The following DNAI2 variants were observed in gnomAD, a reference collection of about 807,000 sequenced individuals.
DNAI2 encodes the protein dynein axonemal intermediate chain 2, also known as dynein, axonemal, intermediate polypeptide 2.
Under a neutral mutation model 74.7 loss-of-function variants are expected in DNAI2, and 63 were observed. That is an observed-to-expected ratio of 0.84 (90% CI 0.69 to 1.04). The LOEUF (loss-of-function observed/expected upper bound fraction) is 1.04, where lower values mean the gene tolerates loss of function less well. DNAI2 is among the 50% of genes least tolerant of loss of function. The pLI, the probability that DNAI2 is intolerant of heterozygous loss-of-function variation, is 0.00. For missense variants in DNAI2, 688 were observed against 803.2 expected (o/e 0.86, Z 1.73); for synonymous variants, 289 against 314.9 (o/e 0.92, Z 0.87).
At chr17:74,286,308 A>ATAATAATAC (rs2051731371) in intron 3 of DNAI2, among the ~76,000 whole-genome samples, 1 of 104,306 alleles carries the variant, frequency 9.6e-6, no homozygotes, top group African/African-American at 4.9e-5. Flanking sequence ...AATAATAATA[A>ATAATAATAC]TAATAATAAT....
rs540447499 is a variant in DNAI2 at position 74,287,016 on chromosome 17, A to G, written c.385A>G (p.Ile129Val). The change falls in exon 4 of 14, where the codon ATC becomes GTC. Residue 129 changes from isoleucine to valine, a missense_variant. Coordinates refer to ENST00000311014, the MANE Select transcript of DNAI2 (RefSeq NM_023036.6). ...HCIKQNNAID[I>V]YEEYFNDEEA... ...CATCAAGCAGAACAATGCCATTGACATCTATGAAGAGTATTTCAATGACGA... is the reference window on the plus strand; with the variant it reads ...CATCAAGCAGAACAATGCCATTGACGTCTATGAAGAGTATTTCAATGACGA... 16 of 1,613,924 alleles carry G rather than the reference A, an allele frequency of 9.9e-6. No homozygotes were observed. Among genetic ancestry groups the G allele is most frequent in the African/African-American group, 5.3e-5 (4 of 75,036 alleles).
At chr17:74,303,212 C>G (rs2052967416) in intron 8 of DNAI2, among the ~76,000 whole-genome samples, 1 of 152,050 alleles carries the variant, frequency 6.6e-6, no homozygotes, top group African/African-American at 2.4e-5. Context: ...GTCCTAGTAC[C>G]TGGTAAAGCT....
intron 10 of DNAI2, chr17:74,309,739 G>A: frequency 1.6e-6 from 1 of 633,368 alleles, no homozygotes; most frequent in Non-Finnish European, 2.8e-6. Context: ...GGTGGCCAGA[G>A]CTGAGCCCCA....
At chr17:74,285,001 A>T in intron 2 of DNAI2, 39 bp from the exon 3 acceptor site, 2 of 1,613,632 alleles carry the variant, frequency 1.2e-6, no homozygotes, top group South Asian at 1.1e-5. Context: ...TTGGGAGTAT[A>T]CCAGGGTGAC....
intron 9 of DNAI2, among the ~76,000 whole-genome samples, chr17:74,308,187 T>A (rs117302064): frequency 2.0e-5 from 3 of 152,182 alleles, no homozygotes; most frequent in Non-Finnish European, 4.4e-5. Flanking sequence ...AAGTGTAGTC[T>A]GCCTTGCTCA....
intron 6 of DNAI2, among the ~76,000 whole-genome samples, chr17:74,291,722 A>G (rs2052112558): frequency 6.6e-6 from 1 of 152,234 alleles, no homozygotes; most frequent in Non-Finnish European, 1.5e-5. Context: ...AGGGGCCGCC[A>G]TAAAGGGATG....
chr17:74,297,539 G>A (rs913437825), intron 6 of DNAI2, among the ~76,000 whole-genome samples: 10 of 151,690 alleles, frequency 6.6e-5, no homozygotes, highest in Admixed American at 2.0e-4. Flanking sequence ...ATGCCACCAC[G>A]CCTGGCTAAT....
chr17:74,281,017 G>A (rs2051356463), intron 1 of DNAI2, among the ~76,000 whole-genome samples: 1 of 146,846 alleles, frequency 6.8e-6, no homozygotes. Context: ...GAGCCCGGGG[G>A]TTGAGGCTGC....
At position 74,299,693 on chromosome 17, in the gene DNAI2, CCTT is replaced by C. The variant is rs753678803; in HGVS notation, c.725-20_725-18del. 3.1e-6 allele frequency: 5 copies of C among 1,613,024 alleles called. No homozygotes were observed. In the African/African-American group the frequency reaches 4.0e-5, roughly 13 times the overall value. ...AAGGAAGCCTGTGCCCCCTTCCACT[CCTT>C]CTTCATCTCCTTCCTCACCAGCCTG... On this transcript the variant is annotated intron_variant, in intron 6 of 13. Transcript: ENST00000311014.
At chr17:74,299,597 A>T in intron 6 of DNAI2, 121 bp from the exon 7 acceptor site, 3 of 1,332,176 alleles carry the variant, frequency 2.3e-6, no homozygotes, top group Non-Finnish European at 3.1e-6. Context: ...CCAAGCCCTG[A>T]TTCTAGAAAA....
intron 1 of DNAI2, among the ~76,000 whole-genome samples, chr17:74,275,902 CAAAG>C (rs1269088713): frequency 2.6e-5 from 4 of 152,052 alleles, no homozygotes; most frequent in South Asian, 2.1e-4. Flanking sequence ...GCAACAACAA[CAAAG>C]AAAGAGGGAA....
intron 6 of DNAI2, among the ~76,000 whole-genome samples, chr17:74,294,524 C>T (rs2052321536): frequency 6.6e-6 from 1 of 151,950 alleles, no homozygotes; most frequent in African/African-American, 2.4e-5. Context: ...CTATGTTGCC[C>T]AGGCTGGTCT....
intron 6 of DNAI2, among the ~76,000 whole-genome samples, chr17:74,297,392 T>C (rs1201930767): frequency 2.2e-5 from 2 of 91,544 alleles, no homozygotes; most frequent in Admixed American, 2.0e-4. Flanking sequence ...GTGCCCAGAC[T>C]TTTTTTTTTT....
intron 11 of DNAI2, among the ~76,000 whole-genome samples, chr17:74,310,614 C>A (rs974927172): frequency 6.6e-6 from 1 of 151,924 alleles, no homozygotes; most frequent in Admixed American, 6.6e-5. Context: ...TCTAGGCTCA[C>A]TGCAATCTCT....
intron 7 of DNAI2, 37 bp downstream of exon 7, chr17:74,299,894 G>C: frequency 6.2e-7 from 1 of 1,612,268 alleles, no homozygotes. Context: ...AGGAGGGAAG[G>C]GAGGGGCAGT....
At chr17:74,286,297 A>AAATAATAATAATAATAATAAT (rs10637482) in intron 3 of DNAI2, among the ~76,000 whole-genome samples, 2 of 140,682 alleles carry the variant, frequency 1.4e-5, no homozygotes, top group South Asian at 2.4e-4. Flanking sequence ...CTGTGTCTCA[A>AAATAATAATAATAATAATAAT]AATAATAATA....
At chr17:74,286,481 CGTGATCTTGG>C (rs1306976255) in intron 3 of DNAI2, among the ~76,000 whole-genome samples, 2 of 151,906 alleles carry the variant, frequency 1.3e-5, no homozygotes, top group Non-Finnish European at 2.9e-5. Context: ...AGTGCAGTGG[CGTGATCTTGG>C]GTCTCTGCAA....
Position 74,312,182 on chromosome 17 carries a change from A to C in DNAI2, c.1674A>C (p.Ala558=). The C allele has an allele frequency of 6.2e-7, 1 of 1,606,868 alleles. No individual in the cohort carries two copies. ...AGGAGTTCTTCGACATCATCTTCGC[A>C]GAGCTGAAGAAGAAGGAGGCAGACG... ...AEEEFFDIIF[A]ELKKKEADAI... is the part of the protein sequence containing the mutation. Residue 558 remains alanine, a synonymous_variant, in exon 12 of 14, where the codon GCA becomes GCC. Coordinates refer to ENST00000311014, the MANE Select transcript of DNAI2 (RefSeq NM_023036.6).
intron 13 of DNAI2, 144 bp downstream of exon 13, chr17:74,314,415 ACCC>A: frequency 8.7e-7 from 1 of 1,149,156 alleles, no homozygotes; most frequent in African/African-American, 1.5e-5. Context: ...GTCCTGAGCC[ACCC>A]CTTGGAGAGA....
Sources: allele counts gnomAD v4.1 joint callset (sites outside exome capture counted in the v4.1 genomes callset), GRCh38; gene constraint gnomAD v4.1.1; transcripts MANE v1.5; gene names NCBI Gene and HGNC (gene_info 2026-07-23, HGNC 2026-07-21).